Variants in ATP8A2 observed in about 807,000 individuals in gnomAD.
ATP8A2 encodes the protein phospholipid-transporting ATPase IB.
In ATP8A2, 100 loss-of-function variants were observed where a neutral mutation model predicts 165.6. That is an observed-to-expected ratio of 0.60 (90% confidence interval 0.51 to 0.71). The LOEUF (loss-of-function observed/expected upper bound fraction) is 0.71. ATP8A2 is among the 30% of genes least tolerant of loss of function. The pLI, the probability that ATP8A2 is intolerant of heterozygous loss-of-function variation, is 0.00. For missense variants in ATP8A2, 1,227 were observed against 1,479.5 expected (o/e 0.83, Z 2.80); for synonymous variants, 543 against 548.8 (o/e 0.99, Z 0.15).
At chr13:25,734,303 G>T (rs2043719790) in intron 25 of ATP8A2, among the ~76,000 whole-genome samples, 2 of 152,216 alleles carry the variant, frequency 1.3e-5, no homozygotes. Flanking sequence ...GTAGGAGCTA[G>T]GCCATTGCTG....
intron 25 of ATP8A2, among the ~76,000 whole-genome samples, chr13:25,752,074 A>T (rs1299810752): frequency 6.6e-6 from 1 of 151,880 alleles, no homozygotes; most frequent in Non-Finnish European, 1.5e-5. Context: ...ATGGGCATAT[A>T]TATTGGTGCA....
chr13:25,637,566 G>A (rs955549618), intron 24 of ATP8A2, among the ~76,000 whole-genome samples: 3 of 152,140 alleles, frequency 2.0e-5, no homozygotes, highest in Admixed American at 1.3e-4. Context: ...GGGGTGGGGC[G>A]CCTGCCATTG....
chr13:25,924,370 G>C (rs1954539628), intron 33 of ATP8A2, among the ~76,000 whole-genome samples: 1 of 152,114 alleles, frequency 6.6e-6, no homozygotes. Context: ...GAGAAAATCT[G>C]TTCCAGGTCT....
intron 2 of ATP8A2, among the ~76,000 whole-genome samples, chr13:25,503,358 G>T (rs1045589772): frequency 5.9e-5 from 9 of 152,210 alleles, no homozygotes; most frequent in African/African-American, 2.2e-4. Context: ...CCTACTGTTT[G>T]TGAGGTTGGA....
Position 25,469,063 on chromosome 13 carries a change from G to A in ATP8A2, c.163G>A (p.Ala55Thr), listed in dbSNP as rs377512165. Residue 55 changes from alanine (A) to threonine (T), a missense_variant, in exon 2 of 37, where the codon GCC becomes ACC. Physicochemically the swap from Ala to Thr is moderately conservative, Grantham distance 58 (BLOSUM62 0). This residue lies in a region of ATP8A2 where 356 missense variants were observed against 394.9 expected (regional missense o/e 0.90). Transcript: ENST00000381655. ...TSVGDQLEAP[A>T]RTIYLNQPHL... is the part of the protein sequence containing the mutation. ...TGTTGGAGACCAGCTGGAGGCACCC[G>A]CCCGCACCATTTACCTCAACCAACC... 2 of 1,613,960 alleles carry A rather than the reference G, an allele frequency of 1.2e-6. No individual in the cohort carries two copies. The highest frequency in any genetic ancestry group is 2.7e-5 in the African/African-American group (2 of 74,942).
At chr13:25,907,357 A>T (rs373292640) in intron 33 of ATP8A2, among the ~76,000 whole-genome samples, 4,708 of 144,770 alleles carry the variant, frequency 0.033, 118 homozygotes, top group South Asian at 0.1. Flanking sequence ...TCTCAAAAAT[A>T]AATAAAAAAA....
chr13:25,710,900 C>T (rs2043145799), intron 25 of ATP8A2, among the ~76,000 whole-genome samples: 2 of 152,196 alleles, frequency 1.3e-5, no homozygotes, highest in Non-Finnish European at 2.9e-5. Context: ...CTAACATCTA[C>T]TACTCCTGAG....
chr13:25,535,235 T>A (rs1448869667), intron 6 of ATP8A2, among the ~76,000 whole-genome samples: 1 of 152,124 alleles, frequency 6.6e-6, no homozygotes, highest in Non-Finnish European at 1.5e-5. Flanking sequence ...TGGCTGTCCT[T>A]AAGGTCCCCA....
chr13:25,558,829 A>G, intron 13 of ATP8A2, 144 bp from the exon 14 acceptor site: 2 of 552,780 alleles, frequency 3.6e-6, no homozygotes, highest in Non-Finnish European at 6.4e-6. Flanking sequence ...AAATATTAAT[A>G]TATTTTTTGT....
intron 25 of ATP8A2, among the ~76,000 whole-genome samples, chr13:25,734,596 A>G (rs1199885364): frequency 6.6e-6 from 1 of 152,178 alleles, no homozygotes; most frequent in Non-Finnish European, 1.5e-5. Context: ...ACAGCCTAGT[A>G]GAGGGCCTGG....
chr13:25,482,863 G>T (rs1378539295), intron 2 of ATP8A2, among the ~76,000 whole-genome samples: 1 of 152,174 alleles, frequency 6.6e-6, no homozygotes, highest in East Asian at 1.9e-4. Flanking sequence ...TGATTGTGAG[G>T]CTTCCCCAGC....
intron 25 of ATP8A2, among the ~76,000 whole-genome samples, chr13:25,733,734 CA>C (rs896231229): frequency 6.6e-6 from 1 of 152,044 alleles, no homozygotes; most frequent in Non-Finnish European, 1.5e-5. Flanking sequence ...TATTAAAAAG[CA>C]AAAAAGTCAT....
intron 33 of ATP8A2, among the ~76,000 whole-genome samples, chr13:25,893,487 T>C (rs1161043709): frequency 6.6e-6 from 1 of 151,986 alleles, no homozygotes. Context: ...TCTTTGCTAT[T>C]GTGAATAGTG....
At chr13:25,680,881 T>C (rs1426108057) in intron 24 of ATP8A2, among the ~76,000 whole-genome samples, 3 of 152,166 alleles carry the variant, frequency 2.0e-5, no homozygotes, top group African/African-American at 7.2e-5. Flanking sequence ...TTTAGAGATA[T>C]TGTAAAAGGG....
At chr13:25,721,047 C>CT (rs1482789374) in intron 25 of ATP8A2, among the ~76,000 whole-genome samples, 3 of 150,900 alleles carry the variant, frequency 2.0e-5, no homozygotes, top group Non-Finnish European at 4.4e-5. Context: ...CCTCGAACTC[C>CT]TAGGCTCAAG....
At chr13:25,874,263 C>T (rs554123539) in intron 33 of ATP8A2, among the ~76,000 whole-genome samples, 1 of 152,158 alleles carries the variant, frequency 6.6e-6, no homozygotes, top group Admixed American at 6.5e-5. Flanking sequence ...GTGTGAGGAG[C>T]GAGCTCCTAC....
At chr13:25,696,407 A>G (rs1363333711) in intron 24 of ATP8A2, among the ~76,000 whole-genome samples, 3 of 152,232 alleles carry the variant, frequency 2.0e-5, no homozygotes, top group African/African-American at 7.2e-5. Flanking sequence ...CTCTCTAGCT[A>G]TGAAAATCCT....
intron 28 of ATP8A2, among the ~76,000 whole-genome samples, chr13:25,829,692 ATATATATATATATATATATATATATAT>A (rs1184826308): frequency 1.7e-5 from 1 of 57,502 alleles, no homozygotes; most frequent in Non-Finnish European, 3.7e-5. Flanking sequence ...ATATATATAT[ATATATATATATATATATATATATATAT>A]ATCACCTGCT....
chr13:25,577,553 A>G (rs1170875242), intron 20 of ATP8A2, among the ~76,000 whole-genome samples: 1 of 151,724 alleles, frequency 6.6e-6, no homozygotes, highest in Non-Finnish European at 1.5e-5. Flanking sequence ...TTTTTTTCTC[A>G]TACATTATAG....
Sources: gnomAD v4.1 joint callset for allele counts (sites outside exome capture counted in the v4.1 genomes callset) on GRCh38, gnomAD v4.1.1 for gene constraint, gnomAD v4.1.1 regional missense constraint, MANE v1.5 for transcripts, NCBI Gene and HGNC (gene_info 2026-07-23, HGNC 2026-07-21) for gene names.